Variants in MACROD2 observed in about 807,000 individuals in gnomAD.
The protein encoded by MACROD2 is ADP-ribose glycohydrolase MACROD2.
A neutral mutation model predicts 70.4 loss-of-function variants in MACROD2; 36 were observed. The observed-to-expected ratio is 0.51, with a 90% CI of 0.39 to 0.68. The LOEUF (loss-of-function observed/expected upper bound fraction) is 0.68, where lower values mean the gene tolerates loss of function less well. Among genes scored for constraint, MACROD2 ranks in the 30% least tolerant of loss-of-function variants. The pLI, the probability that MACROD2 is intolerant of heterozygous loss-of-function variation, is 0.00. For synonymous variants in MACROD2, 172 were observed against 178.8 expected, an observed-to-expected ratio of 0.96 and a Z score of 0.30; for missense variants, 496 against 538.4, an observed-to-expected ratio of 0.92 and a Z score of 0.78.
rs548866304 is a variant in MACROD2, at chr20:15,723,607, C to A, written c.646-139138C>A. ...CATTTAAGGTTCCTCTGTGTCTTCT[C>A]GTGGCTTGGTAGCTCATTTCCTTTT... On this transcript the variant is annotated intron_variant, in intron 8 of 17. Coordinates refer to ENST00000684519, the MANE Select transcript of MACROD2 (RefSeq NM_001351661.2). Among the ~76,000 whole-genome samples the A allele has an allele frequency of 1.3e-3, 197 of 152,266 alleles. 1 individual carries two copies. Among genetic ancestry groups the A allele is most frequent in the African/African-American group, 4.5e-3 (188 of 41,562 alleles).
At chr20:15,882,022 C>A (rs2064761638) in intron 9 of MACROD2, among the ~76,000 whole-genome samples, 2 of 151,978 alleles carry the variant, frequency 1.3e-5, no homozygotes, top group Non-Finnish European at 2.9e-5. Context: ...TAATCCTAAC[C>A]CTAAGAAGTT....
chr20:15,039,402 T>C (rs2075338168), intron 5 of MACROD2, among the ~76,000 whole-genome samples: 1 of 152,088 alleles, frequency 6.6e-6, no homozygotes, highest in Admixed American at 6.5e-5. Flanking sequence ...TGGCTTTCTT[T>C]GGGGAAGAGG....
chr20:15,615,946 G>T (rs902677212), intron 8 of MACROD2, among the ~76,000 whole-genome samples: 1 of 152,032 alleles, frequency 6.6e-6, no homozygotes, highest in Non-Finnish European at 1.5e-5. Flanking sequence ...AACAAATTTG[G>T]TTACTAAATG....
chr20:15,822,132 T>C (rs1236241816), intron 8 of MACROD2, among the ~76,000 whole-genome samples: 1 of 152,158 alleles, frequency 6.6e-6, no homozygotes, highest in Non-Finnish European at 1.5e-5. Context: ...ACTTTGAGGA[T>C]CAGGAATTTA....
chr20:15,516,821 G>T (rs922083358), intron 8 of MACROD2, among the ~76,000 whole-genome samples: 2 of 152,104 alleles, frequency 1.3e-5, no homozygotes, highest in Non-Finnish European at 2.9e-5. Context: ...GACTGTAGCC[G>T]CAAATCACAG....
At chr20:14,610,021 G>T (rs1035187766) in intron 4 of MACROD2, among the ~76,000 whole-genome samples, 3 of 152,196 alleles carry the variant, frequency 2.0e-5, no homozygotes, top group African/African-American at 7.2e-5. Context: ...AACACTTTCT[G>T]TCTTTAAATT....
intron 3 of MACROD2, among the ~76,000 whole-genome samples, chr20:14,089,252 G>A (rs76404329): frequency 0.048 from 7,249 of 152,276 alleles, 261 homozygotes; most frequent in East Asian, 0.2. Flanking sequence ...AATATACACT[G>A]TAATGGCTCT....
intron 8 of MACROD2, among the ~76,000 whole-genome samples, chr20:15,644,980 C>T (rs940137703): frequency 2.0e-5 from 3 of 152,184 alleles, no homozygotes; most frequent in South Asian, 2.1e-4. Context: ...TGAGCTACCA[C>T]GCCCAGCCTA....
At chr20:14,513,573 G>T (rs916273770) in intron 4 of MACROD2, among the ~76,000 whole-genome samples, 3 of 151,906 alleles carry the variant, frequency 2.0e-5, no homozygotes, top group Admixed American at 6.6e-5. Flanking sequence ...ATAGGTGGGG[G>T]CTCATTTTAC....
chr20:15,587,364 T>C (rs1474080985), intron 8 of MACROD2, among the ~76,000 whole-genome samples: 1 of 152,138 alleles, frequency 6.6e-6, no homozygotes, highest in African/African-American at 2.4e-5. Context: ...CAAGTTGAGA[T>C]TTGAATGGGG....
intron 5 of MACROD2, among the ~76,000 whole-genome samples, chr20:14,686,357 AC>A (rs1339763071): frequency 6.6e-6 from 1 of 152,192 alleles, no homozygotes; most frequent in African/African-American, 2.4e-5. Flanking sequence ...GTGATATTAT[AC>A]AATATTTTAA....
At chr20:14,190,746 C>T (rs2148738500) in intron 3 of MACROD2, among the ~76,000 whole-genome samples, 1 of 107,118 alleles carries the variant, frequency 9.3e-6, no homozygotes, top group Non-Finnish European at 1.7e-5. Context: ...CTTGTTCTGT[C>T]ACCCAGGCTG....
chr20:15,707,797 A>G (rs556189649), intron 8 of MACROD2, among the ~76,000 whole-genome samples: 1 of 151,872 alleles, frequency 6.6e-6, no homozygotes, highest in East Asian at 1.9e-4. Context: ...CAATAACAAA[A>G]ACAACAAATA....
intron 5 of MACROD2, among the ~76,000 whole-genome samples, chr20:15,132,098 A>AAGCC (rs1253745300): frequency 6.6e-6 from 1 of 152,062 alleles, no homozygotes; most frequent in Non-Finnish European, 1.5e-5. Flanking sequence ...TATTAAATCC[A>AAGCC]AGCCAAGAAA....
chr20:14,603,953 A>G (rs551838694), intron 4 of MACROD2, among the ~76,000 whole-genome samples: 1 of 152,234 alleles, frequency 6.6e-6, no homozygotes, highest in Admixed American at 6.5e-5. Flanking sequence ...AGGCAATTCA[A>G]AACAAGCTTT....
intron 4 of MACROD2, among the ~76,000 whole-genome samples, chr20:14,515,631 A>C (rs1381777253): frequency 6.6e-6 from 1 of 152,070 alleles, no homozygotes; most frequent in East Asian, 1.9e-4. Context: ...GCATGATCTC[A>C]CTTATATGTG....
chr20:14,008,588 C>T (rs2148614854), intron 2 of MACROD2, among the ~76,000 whole-genome samples: 1 of 152,236 alleles, frequency 6.6e-6, no homozygotes, highest in African/African-American at 2.4e-5. Flanking sequence ...AAACTACTAT[C>T]AACATTCTTC....
intron 8 of MACROD2, among the ~76,000 whole-genome samples, chr20:15,742,047 C>T (rs376766473): frequency 1.3e-5 from 2 of 152,288 alleles, no homozygotes; most frequent in East Asian, 3.9e-4. Context: ...CCCCACAATA[C>T]AGACGGCAGC....
chr20:14,892,398 C>A (rs1460910394), intron 5 of MACROD2, among the ~76,000 whole-genome samples: 1 of 151,952 alleles, frequency 6.6e-6, no homozygotes, highest in Non-Finnish European at 1.5e-5. Flanking sequence ...TCACTTAAAC[C>A]CAGGAGGTGG....
Sources: gnomAD v4.1 joint callset for allele counts (sites outside exome capture counted in the v4.1 genomes callset) on GRCh38, gnomAD v4.1.1 for gene constraint, MANE v1.5 for transcripts, NCBI Gene and HGNC (gene_info 2026-07-23, HGNC 2026-07-21) for gene names.